Variants in SASH1 observed in about 807,000 individuals in gnomAD.
SASH1 encodes the protein SAM and SH3 domain-containing protein 1.
Under a neutral mutation model 125.2 loss-of-function variants are expected in SASH1, and 44 were observed. The observed-to-expected ratio is 0.35, with a 90% CI of 0.28 to 0.45. The LOEUF is 0.45. SASH1 is among the 20% of genes least tolerant of loss of function. The probability of loss-of-function intolerance (pLI) is 1.00; values close to 1 mark genes in which losing one functional copy is unlikely to be tolerated. For synonymous variants in SASH1, 639 were observed against 649.1 expected, an observed-to-expected ratio of 0.98 and a Z score of 0.24; for missense variants, 1,426 against 1,614.5, an observed-to-expected ratio of 0.88 and a Z score of 2.00.
At chr6:148,496,995 A>C (rs1172323471) in intron 8 of SASH1, among the ~76,000 whole-genome samples, 1 of 152,198 alleles carries the variant, frequency 6.6e-6, no homozygotes. Context: ...AATTCTTATA[A>C]ATTTTCATTT....
chr6:148,228,378 C>G, the SASH1 span, among the ~76,000 whole-genome samples: 1 of 152,216 alleles, frequency 6.6e-6, no homozygotes. Context: ...AAAGAAATCA[C>G]AATTCCTCCT....
In SASH1 at chr6:148,486,013, G is replaced by A. The variant is rs1778822771; in HGVS notation, c.628-1601G>A. On this transcript the variant is annotated intron_variant, in intron 7 of 19. Coordinates refer to ENST00000367467, the MANE Select transcript of SASH1 (RefSeq NM_015278.5). Reference sequence around the variant, plus strand: ...AACACTCTCTCACATATGCCATTCTGAAAGATCTCATCTTGCTAAGTTAAA... The same window carrying A: ...AACACTCTCTCACATATGCCATTCTAAAAGATCTCATCTTGCTAAGTTAAA... Among the ~76,000 whole-genome samples, 6 of 152,220 alleles carry A rather than the reference G, an allele frequency of 3.9e-5. No individual in the cohort carries two copies. The South Asian group carries it at 1.0e-3, about 26-fold the overall frequency.
upstream of SASH1, among the ~76,000 whole-genome samples, chr6:148,270,636 T>A (rs185523535): frequency 1.5e-4 from 23 of 152,204 alleles, no homozygotes; most frequent in East Asian, 3.9e-3. Context: ...GAAAAAAAAA[T>A]TTGTCTGAGA....
At chr6:148,298,799 AAG>A (rs1282122364) in intron 1 of SASH1, among the ~76,000 whole-genome samples, 1 of 109,582 alleles carries the variant, frequency 9.1e-6, no homozygotes, top group Non-Finnish European at 1.9e-5. Context: ...AAGAAAGAAA[AAG>A]AGAAAGAAAA....
intron 16 of SASH1, among the ~76,000 whole-genome samples, chr6:148,537,926 A>G (rs1781963510): frequency 2.0e-5 from 3 of 151,836 alleles, no homozygotes; most frequent in Admixed American, 2.0e-4. Context: ...CAGCCTCACA[A>G]CCTAGCACTT....
rs934189811 is a variant in SASH1 at position 148,529,364 on chromosome 6, A to G, written c.1428+1768A>G. ...GGCTTGTTAGACCTGCAGGAGATAGATGTCTGGACTGCCTTCAGCATGTCT... is the reference window on the plus strand; with the variant it reads ...GGCTTGTTAGACCTGCAGGAGATAGGTGTCTGGACTGCCTTCAGCATGTCT... On this transcript the variant is annotated intron_variant, in intron 12 of 19. Coordinates refer to ENST00000367467, the MANE Select transcript of SASH1 (RefSeq NM_015278.5). The surrounding 1 kb of genome is among the most constrained non-coding windows in gnomAD (Gnocchi z 4.2). Among the ~76,000 whole-genome samples, 1 of 152,164 alleles carries G rather than the reference A, an allele frequency of 6.6e-6. No individual in the cohort carries two copies. The highest frequency in any genetic ancestry group is 1.5e-5 in the Non-Finnish European group (1 of 68,022).
chr6:148,521,977 T>C (rs1212246803), intron 10 of SASH1, among the ~76,000 whole-genome samples: 3 of 152,244 alleles, frequency 2.0e-5, no homozygotes, highest in Non-Finnish European at 2.9e-5. Context: ...TATAACTCCA[T>C]GAGGGCCTTG....
At chr6:148,467,702 C>G (rs1459703900) in intron 4 of SASH1, among the ~76,000 whole-genome samples, 2 of 152,138 alleles carry the variant, frequency 1.3e-5, no homozygotes, top group East Asian at 3.9e-4. Flanking sequence ...TTTGGGGGGC[C>G]GAGGCAGGAG....
the SASH1 span, among the ~76,000 whole-genome samples, chr6:148,215,897 G>A: frequency 1.2e-4 from 18 of 151,680 alleles, no homozygotes; most frequent in African/African-American, 1.9e-4. Context: ...TTGCCCTGTC[G>A]CCCAGGCTGC....
chr6:148,456,045 C>A (rs1313852516), intron 4 of SASH1, among the ~76,000 whole-genome samples: 2 of 152,192 alleles, frequency 1.3e-5, no homozygotes, highest in African/African-American at 4.8e-5. Context: ...CCTGCGTGGC[C>A]AGCAGGCCTC....
the SASH1 span, among the ~76,000 whole-genome samples, chr6:148,255,746 G>A: frequency 6.6e-6 from 1 of 152,034 alleles, no homozygotes; most frequent in African/African-American, 2.4e-5. Context: ...AGGCTCAGGT[G>A]ATTCTCCCAC....
intron 1 of SASH1, among the ~76,000 whole-genome samples, chr6:148,309,681 A>G (rs2128517954): frequency 6.6e-6 from 1 of 152,016 alleles, no homozygotes; most frequent in Non-Finnish European, 1.5e-5. Flanking sequence ...AAAAAAAAAA[A>G]AAAGCTAGTT....
intron 9 of SASH1, among the ~76,000 whole-genome samples, chr6:148,515,474 G>A (rs1266723631): frequency 2.0e-5 from 3 of 152,100 alleles, no homozygotes; most frequent in South Asian, 2.1e-4. Context: ...GGTATTATTC[G>A]TGGGTTTAAA....
At chr6:148,424,808 C>T (rs1775738717) in intron 2 of SASH1, among the ~76,000 whole-genome samples, 1 of 152,212 alleles carries the variant, frequency 6.6e-6, no homozygotes, top group Non-Finnish European at 1.5e-5. Flanking sequence ...CAGCTCTGAG[C>T]AGCCTTCTTT....
chr6:148,504,034 GTTAGTGA>G (rs1779667539), intron 8 of SASH1, among the ~76,000 whole-genome samples: 1 of 152,238 alleles, frequency 6.6e-6, no homozygotes, highest in Non-Finnish European at 1.5e-5. Flanking sequence ...CTGCATGACA[GTTAGTGA>G]TGGGCTAGGG....
In SASH1 at chr6:148,544,119, G is replaced by C. The variant is rs770705239; in HGVS notation, c.2649G>C (p.Glu883Asp). ...TASSTKAQPL[E>D]QDSAVDNALL... is the part of the protein sequence containing the mutation. ...CTTCCACGAAGGCCCAGCCCCTGGAGCAAGACTCTGCTGTCGACAATGCAT... is the reference window on the plus strand; with the variant it reads ...CTTCCACGAAGGCCCAGCCCCTGGACCAAGACTCTGCTGTCGACAATGCAT... Residue 883 changes from glutamate (E) to aspartate (D), a missense_variant, in exon 18 of 20, where the codon GAG becomes GAC. Around this residue, in one of 3 missense-constraint regions of SASH1, gnomAD observed 634 missense variants for 694.4 expected, o/e 0.91. Transcript: ENST00000367467. The surrounding 1 kb of genome is among the most constrained non-coding windows in gnomAD (Gnocchi z 6.4). 11 of 1,613,980 alleles carry C rather than the reference G, an allele frequency of 6.8e-6. No individual in the cohort carries two copies. In the South Asian group the frequency reaches 1.1e-4, roughly 16 times the overall value.
chr6:148,501,947 A>C (rs937464100), intron 8 of SASH1, among the ~76,000 whole-genome samples: 1 of 152,254 alleles, frequency 6.6e-6, no homozygotes, highest in South Asian at 2.1e-4. Context: ...ATTAGGGAAC[A>C]TAACATCCAT....
chr6:148,542,216 G>A lies in SASH1; in HGVS notation c.2210-1464G>A, dbSNP rs145638218. On this transcript the variant is annotated intron_variant, in intron 17 of 19. Coordinates refer to ENST00000367467, the MANE Select transcript of SASH1 (RefSeq NM_015278.5). ...GGATCTTTCTAATGTAATGCAGAAT[G>A]CAAAAATGGAACTTATATATATAGT... Among the ~76,000 whole-genome samples, 392 of 152,118 alleles carry A rather than the reference G, an allele frequency of 2.6e-3. 3 individuals carry two copies. Among genetic ancestry groups the A allele is most frequent in the African/African-American group, 9.0e-3 (373 of 41,472 alleles).
intron 1 of SASH1, among the ~76,000 whole-genome samples, chr6:148,295,096 A>G (rs146344570): frequency 8.3e-4 from 126 of 152,096 alleles, no homozygotes; most frequent in African/African-American, 2.9e-3. Flanking sequence ...ACACATACAC[A>G]CCCGTACACA....
Sources: allele counts gnomAD v4.1 joint callset (sites outside exome capture counted in the v4.1 genomes callset), GRCh38; gene constraint gnomAD v4.1.1; regional missense constraint gnomAD v4.1.1; non-coding constraint Gnocchi (gnomAD v3.1); transcripts MANE v1.5; gene names NCBI Gene and HGNC (gene_info 2026-07-23, HGNC 2026-07-21).